CEP112: variants seen among roughly 807,000 people sequenced by gnomAD.
The protein encoded by CEP112 is centrosomal protein of 112 kDa.
A neutral mutation model predicts 153.0 loss-of-function variants in CEP112; 127 were observed. That is an observed-to-expected ratio of 0.83 (90% CI 0.72 to 0.96). CEP112 has a LOEUF of 0.96. Ranked by LOEUF, CEP112 falls within the 40% of genes least tolerant of loss-of-function variation. CEP112 has a pLI of 0.00. For synonymous variants in CEP112, 358 were observed against 374.4 expected, an observed-to-expected ratio of 0.96 and a Z score of 0.51; for missense variants, 1,089 against 1,101.2, an observed-to-expected ratio of 0.99 and a Z score of 0.16.
intron 12 of CEP112, among the ~76,000 whole-genome samples, chr17:66,041,256 T>C (rs973225207): frequency 7.9e-5 from 12 of 151,824 alleles, no homozygotes; most frequent in Non-Finnish European, 1.3e-4. Context: ...AAAATAAGTA[T>C]TGTAGGAAAT....
chr17:66,172,016 G>GA lies in CEP112; in HGVS notation c.470+3027dup, dbSNP rs201697495. ...TCAACGTTTTCTGAAATGTTAAAAAGAAAAAAAAATCCTTTTAGGCCATTT... is the reference window on the plus strand; with the variant it reads ...TCAACGTTTTCTGAAATGTTAAAAAGAAAAAAAAAATCCTTTTAGGCCATTT... On this transcript the variant is annotated intron_variant, in intron 4 of 26. Transcript: ENST00000535342. 3.8e-3 allele frequency among the ~76,000 whole-genome samples: 565 copies of GA among 150,366 alleles called. 3 individuals are homozygous for GA. Among genetic ancestry groups the GA allele is most frequent in the African/African-American group, 0.013 (517 of 41,048 alleles).
intron 6 of CEP112, among the ~76,000 whole-genome samples, chr17:66,103,608 G>T (rs754575423): frequency 6.6e-6 from 1 of 152,012 alleles, no homozygotes; most frequent in African/African-American, 2.4e-5. Flanking sequence ...AATTTTCCCC[G>T]CAGCATGAAC....
intron 6 of CEP112, among the ~76,000 whole-genome samples, chr17:66,105,258 C>A (rs2068735039): frequency 6.6e-6 from 1 of 151,884 alleles, no homozygotes; most frequent in Non-Finnish European, 1.5e-5. Flanking sequence ...TTCATGCTAA[C>A]CTCAAACCAA....
intron 6 of CEP112, among the ~76,000 whole-genome samples, chr17:66,104,904 A>C (rs1232606294): frequency 6.6e-6 from 1 of 152,230 alleles, no homozygotes; most frequent in Non-Finnish European, 1.5e-5. Context: ...ATCCGAAAGG[A>C]AAGGACATTA....
In CEP112 at chr17:65,743,186, G is replaced by A; in HGVS notation, c.2489C>T (p.Ser830Phe). Residue 830 changes from serine (S) to phenylalanine (F), a missense_variant, in exon 23 of 27, where the codon TCT becomes TTT. Coordinates refer to ENST00000535342, the MANE Select transcript of CEP112 (RefSeq NM_001199165.4). ...IIAELQTTIS[S>F]LKEENSQQQL... ...CTGCTGGCTGTTCTCTTCTTTCAGA[G>A]AGGAAATGGTTGTCTGAAGTTCTGC... 1 of 1,611,818 alleles carries A rather than the reference G, an allele frequency of 6.2e-7. No individual in the cohort carries two copies. The highest frequency in any genetic ancestry group is 1.1e-5 in the South Asian group (1 of 90,564).
intron 20 of CEP112, among the ~76,000 whole-genome samples, chr17:65,890,295 C>T (rs1203135768): frequency 6.6e-6 from 1 of 152,186 alleles, no homozygotes; most frequent in Non-Finnish European, 1.5e-5. Flanking sequence ...ACTGGCCAAG[C>T]GGACCCAGTC....
chr17:65,657,385 A>C (rs969453513), intron 24 of CEP112, among the ~76,000 whole-genome samples: 2 of 152,194 alleles, frequency 1.3e-5, no homozygotes, highest in Non-Finnish European at 2.9e-5. Context: ...AAGCAGTTTG[A>C]GCAGTACAGC....
intron 8 of CEP112, among the ~76,000 whole-genome samples, chr17:66,096,020 C>T (rs1344440470): frequency 6.6e-6 from 1 of 152,092 alleles, no homozygotes; most frequent in Non-Finnish European, 1.5e-5. Flanking sequence ...TCTGATCACA[C>T]CACTGCACTC....
At chr17:65,674,277 G>C (rs1375947826) in intron 24 of CEP112, among the ~76,000 whole-genome samples, 1 of 152,208 alleles carries the variant, frequency 6.6e-6, no homozygotes, top group African/African-American at 2.4e-5. Context: ...TCCACTCTTA[G>C]TAATGAATGA....
At chr17:65,918,859 A>C (rs2060594238) in intron 19 of CEP112, among the ~76,000 whole-genome samples, 1 of 152,206 alleles carries the variant, frequency 6.6e-6, no homozygotes, top group South Asian at 2.1e-4. Context: ...AAGATACTTT[A>C]AAATACTACT....
intron 21 of CEP112, among the ~76,000 whole-genome samples, chr17:65,835,074 T>C (rs572831482): frequency 5.3e-4 from 80 of 151,980 alleles, no homozygotes; most frequent in Admixed American, 2.2e-3. Flanking sequence ...CTATTATCCT[T>C]AGAAAACTAA....
chr17:66,040,271 T>C (rs2065912683), intron 12 of CEP112, among the ~76,000 whole-genome samples: 1 of 152,182 alleles, frequency 6.6e-6, no homozygotes, highest in South Asian at 2.1e-4. Context: ...GTAGAGATAC[T>C]GAATTTACAT....
chr17:65,637,948 G>A (rs145927360), intron 25 of CEP112, among the ~76,000 whole-genome samples: 17 of 152,360 alleles, frequency 1.1e-4, no homozygotes, highest in African/African-American at 4.1e-4. Flanking sequence ...ATAGCGGAAA[G>A]AGCCTGAGCT....
chr17:65,913,980 GC>G, intron 19 of CEP112: 1 of 546,864 alleles, frequency 1.8e-6, no homozygotes, highest in Non-Finnish European at 2.3e-6. Flanking sequence ...GGTTTTATCT[GC>G]CAGATCTCAG....
At chr17:65,934,626 A>G (rs918889300) in intron 18 of CEP112, among the ~76,000 whole-genome samples, 7 of 152,250 alleles carry the variant, frequency 4.6e-5, no homozygotes, top group African/African-American at 1.4e-4. Flanking sequence ...ACTCAACTAC[A>G]TGTTTCCTAC....
intron 4 of CEP112, among the ~76,000 whole-genome samples, chr17:66,165,567 T>A (rs888586755): frequency 6.6e-6 from 1 of 152,262 alleles, no homozygotes; most frequent in African/African-American, 2.4e-5. Context: ...CAATTTATAA[T>A]GTTATATAGT....
intron 24 of CEP112, among the ~76,000 whole-genome samples, chr17:65,664,656 T>C (rs955085340): frequency 3.9e-5 from 6 of 152,180 alleles, no homozygotes; most frequent in Admixed American, 1.3e-4. Flanking sequence ...ATGTGACCGA[T>C]GCAGCAGGTA....
At chr17:65,941,538 C>T (rs956662525) in intron 18 of CEP112, 1 of 152,118 alleles carries the variant, frequency 6.6e-6, no homozygotes, top group African/African-American at 2.4e-5. Context: ...TGTAGAAAAA[C>T]ACAGCGTTCT....
At chr17:65,767,638 TA>T (rs2053068664) in intron 21 of CEP112, among the ~76,000 whole-genome samples, 2 of 151,334 alleles carry the variant, frequency 1.3e-5, no homozygotes, top group South Asian at 4.2e-4. Flanking sequence ...TATACCAGCT[TA>T]AAAAAAGAAA....
Sources: gnomAD v4.1 joint callset for allele counts (sites outside exome capture counted in the v4.1 genomes callset) on GRCh38, gnomAD v4.1.1 for gene constraint, MANE v1.5 for transcripts, NCBI Gene and HGNC (gene_info 2026-07-23, HGNC 2026-07-21) for gene names.